The following FBXL12 variants were observed in gnomAD, a reference collection of about 807,000 sequenced individuals.
The protein encoded by FBXL12 is F-box/LRR-repeat protein 12.
FBXL12 carries 22 observed loss-of-function variants against 24.9 expected under a neutral mutation model. That is an observed-to-expected ratio of 0.88 (90% CI 0.63 to 1.26). The LOEUF (loss-of-function observed/expected upper bound fraction) is 1.26. Among genes scored for constraint, FBXL12 ranks in the 50% most tolerant of loss-of-function variants. FBXL12 has a pLI of 0.00. For missense variants in FBXL12, 384 were observed against 434.1 expected, an observed-to-expected ratio of 0.88 and a Z score of 1.03; for synonymous variants, 193 against 193.8, an observed-to-expected ratio of 1.00 and a Z score of 0.03.
chr19:9,816,783 G>A (rs1020381892), intron 2 of FBXL12, among the ~76,000 whole-genome samples: 9 of 152,084 alleles, frequency 5.9e-5, no homozygotes, highest in Non-Finnish European at 7.3e-5. Context: ...CCCACTTACC[G>A]CTACCAATTT....
At chr19:9,816,207 C>T (rs2045880388) in intron 2 of FBXL12, among the ~76,000 whole-genome samples, 1 of 152,212 alleles carries the variant, frequency 6.6e-6, no homozygotes, top group East Asian at 1.9e-4. Flanking sequence ...AGGTCTCTGA[C>T]ATGGCCTGGA....
chr19:9,818,687 C>T, intron 1 of FBXL12, 41 bp downstream of exon 1: 3 of 1,543,456 alleles, frequency 1.9e-6, no homozygotes, highest in Non-Finnish European at 2.6e-6. Context: ...GTGCCAGCTG[C>T]GCCCTCCGCC....
chr19:9,812,776 A>AAAAC (rs1555717881), intron 2 of FBXL12, among the ~76,000 whole-genome samples: 7 of 148,328 alleles, frequency 4.7e-5, no homozygotes, highest in Admixed American at 2.0e-4. Context: ...AAAAAAAAAA[A>AAAAC]AACAACAAAT....
intron 2 of FBXL12, among the ~76,000 whole-genome samples, chr19:9,815,782 G>A (rs2045869221): frequency 6.6e-6 from 1 of 151,998 alleles, no homozygotes; most frequent in Non-Finnish European, 1.5e-5. Context: ...AGCCTCCCGA[G>A]TAGCTGGGAT....
chr19:9,811,490 C>T lies in FBXL12; in HGVS notation c.387G>A (p.Leu129=), dbSNP rs776857268. ...TGGAGATCTCGCAGCTGTGCAGCTC[C>T]AGGGTCCTCAAGGTGCTGGGCAGGC... ...ITSLPSTLRT[L]ELHSCEISMA... Residue 129 remains leucine (L), a synonymous_variant, in exon 3 of 3, where the codon CTG becomes CTA. Coordinates refer to ENST00000247977, the MANE Select transcript of FBXL12 (RefSeq NM_017703.3). The surrounding 1 kb of genome is among the most constrained non-coding windows in gnomAD (Gnocchi z 6.0). 1.2e-6 allele frequency: 2 copies of T among 1,613,860 alleles called. No homozygotes were observed. The highest frequency in any genetic ancestry group is 2.2e-5 in the South Asian group (2 of 91,070).
intron 2 of FBXL12, among the ~76,000 whole-genome samples, chr19:9,815,485 A>G (rs1430787988): frequency 1.3e-5 from 2 of 152,150 alleles, no homozygotes; most frequent in Admixed American, 6.5e-5. Flanking sequence ...TCCACTAGGC[A>G]GTGACCCAAT....
chr19:9,817,557 CCAGA>C (rs1678996036), intron 2 of FBXL12, among the ~76,000 whole-genome samples: 1 of 152,146 alleles, frequency 6.6e-6, no homozygotes, highest in African/African-American at 2.4e-5. Context: ...TATTATCAGG[CCAGA>C]CACTGTGGCT....
At chr19:9,814,394 C>T (rs2045832965) in intron 2 of FBXL12, 2 of 152,186 alleles carry the variant, frequency 1.3e-5, no homozygotes, top group African/African-American at 4.8e-5. Flanking sequence ...CCTGTAGTCC[C>T]AGCTACTAAG....
Position 9,810,415 on chromosome 19 carries a change from G to A in FBXL12, c.*481C>T, listed in dbSNP as rs147821710. On this transcript the variant is annotated 3_prime_UTR_variant, in exon 3 of 3. Transcript: ENST00000247977. ...GCGAGTCTGCATCGCCTATCTCTCCGCGTCTCTTGCGTGCGTGTAGGTATA... is the reference window on the plus strand; with the variant it reads ...GCGAGTCTGCATCGCCTATCTCTCCACGTCTCTTGCGTGCGTGTAGGTATA... The A allele has an allele frequency of 0.011, 1,627 of 154,742 alleles. 14 individuals carry two copies. Among genetic ancestry groups the A allele is most frequent in the Non-Finnish European group, 0.015 (1,039 of 69,938 alleles). The allele number at this position is 154,742 out of a possible 1,614,324, so 9.6% of individuals were successfully genotyped here. A position where few individuals can be genotyped will look rare whatever the true frequency, so the allele number is the denominator to read the frequency against.
chr19:9,813,516 T>C lies in FBXL12; in HGVS notation c.160-1799A>G, dbSNP rs75087197. The C allele has an allele frequency of 1.7e-5, 4 of 232,898 alleles. No homozygotes were observed. The South Asian group carries it at 5.5e-4, about 32-fold the overall frequency. The allele number at this position is 232,898 out of a possible 1,614,324, so 14.4% of individuals were successfully genotyped here. ...ATGCCCGGCTAATTTTTTTTTTTTT[T>C]TTTGAGACAGAGTCTCGCTCTGTTG... On this transcript the variant is annotated intron_variant, in intron 2 of 2. Transcript: ENST00000247977.
chr19:9,812,521 ACT>A (rs1309858250), intron 2 of FBXL12, among the ~76,000 whole-genome samples: 10 of 122,560 alleles, frequency 8.2e-5, no homozygotes, highest in African/African-American at 1.7e-4. Context: ...ATAGAGTGAG[ACT>A]CTGTCTCAAA....
rs941325583 is a variant in FBXL12 at position 9,811,852 on chromosome 19, TCCTCCCCAGGTTCAA to T, written c.160-150_160-136del. The stretch of plus-strand genomic sequence containing the variant: ...GGCTTCTGCCCTTGCCTAGCCAGTC[TCCTCCCCAGGTTCAA>T]CCTCCCCAGGTTCAACCAGATGGTT... On this transcript the variant is annotated intron_variant, in intron 2 of 2. Transcript: ENST00000247977. This position sits in a 1 kb window ranked among gnomAD's most constrained non-coding sequence, Gnocchi z 6.0. 46 of 663,424 alleles carry T rather than the reference TCCTCCCCAGGTTCAA, an allele frequency of 6.9e-5. No individual in the cohort carries two copies. Among genetic ancestry groups the T allele is most frequent in the African/African-American group, 2.2e-4 (12 of 55,074 alleles). The allele number at this position is 663,424 out of a possible 1,614,324, so 41.1% of individuals were successfully genotyped here.
chr19:9,818,250 G>A (rs906822577), intron 2 of FBXL12: 11 of 439,062 alleles, frequency 2.5e-5, no homozygotes, highest in Non-Finnish European at 4.0e-5. Context: ...AGCATTTATC[G>A]AATGATAAAT....
At position 9,811,563 on chromosome 19, in the gene FBXL12, T is replaced by C. The variant is rs1568342530; in HGVS notation, c.314A>G (p.Lys105Arg). ...GTCGGCCACGTGCAGGCAGAGGCGCTTCAGGTTGGGGCACTTCTGGCCCAG... is the reference window on the plus strand; with the variant it reads ...GTCGGCCACGTGCAGGCAGAGGCGCCTCAGGTTGGGGCACTTCTGGCCCAG... ...RALGQKCPNL[K>R]RLCLHVADLS... The change falls in exon 3 of 3, where the codon AAG becomes AGG. Residue 105 changes from lysine to arginine, a missense_variant. By Grantham distance (26) the Lys-to-Arg change is conservative (BLOSUM62 2). Transcript: ENST00000247977. This position sits in a 1 kb window ranked among gnomAD's most constrained non-coding sequence, Gnocchi z 6.0. The C allele has an allele frequency of 1.2e-6, 2 of 1,600,082 alleles. No homozygotes were observed. The highest frequency in any genetic ancestry group is 1.7e-6 in the Non-Finnish European group (2 of 1,171,570).
At chr19:9,813,884 C>A (rs1449584820) in intron 2 of FBXL12, among the ~76,000 whole-genome samples, 1 of 151,788 alleles carries the variant, frequency 6.6e-6, no homozygotes, top group Non-Finnish European at 1.5e-5. Context: ...AGTGATCTGT[C>A]CACCTCGGCC....
intron 2 of FBXL12, among the ~76,000 whole-genome samples, chr19:9,812,530 C>CA (rs374538314): frequency 0.2 from 6,441 of 32,124 alleles, 867 homozygotes; most frequent in Non-Finnish European, 0.24. Context: ...GACTCTGTCT[C>CA]AAAAAAAAAA....
Position 9,811,769 on chromosome 19 carries a change from G to A in FBXL12, c.160-52C>T. ...AGAGTGAGAGGTATGGAGCTTCCAA[G>A]GCCCCTGCTGGGCTGGAGACACACA... On this transcript the variant is annotated intron_variant, in intron 2 of 2. Transcript: ENST00000247977. This position sits in a 1 kb window ranked among gnomAD's most constrained non-coding sequence, Gnocchi z 6.0. 9 of 1,436,398 alleles carry A rather than the reference G, an allele frequency of 6.3e-6. No homozygotes were observed. Among genetic ancestry groups the A allele is most frequent in the South Asian group, 1.5e-5 (1 of 65,146 alleles). 89.0% of individuals were successfully genotyped at this position (1,436,398 alleles called of 1,614,324 possible).
chr19:9,815,891 C>T (rs1013438721), intron 2 of FBXL12, among the ~76,000 whole-genome samples: 16 of 152,164 alleles, frequency 1.1e-4, no homozygotes, highest in Admixed American at 3.9e-4. Context: ...TCAAGTGATC[C>T]GCCTGCCTTG....
chr19:9,811,658 G>C lies in FBXL12; in HGVS notation c.219C>G (p.Ser73=), dbSNP rs371966525. Residue 73 remains serine, a synonymous_variant, in exon 3 of 3, where the codon TCC becomes TCG. Transcript: ENST00000247977. The surrounding 1 kb of genome is among the most constrained non-coding windows in gnomAD (Gnocchi z 6.0). ...LRRYMASRLH[S]LRMGGYLFSG... ...AGAACAGGTAGCCACCCATCCGCAG[G>C]GAATGGAGCCGGGATGCCATGTACC... 1 of 1,519,912 alleles carries C rather than the reference G, an allele frequency of 6.6e-7. No homozygotes were observed. The highest frequency in any genetic ancestry group is 8.8e-7 in the Non-Finnish European group (1 of 1,134,286). 94.2% of individuals were successfully genotyped at this position (1,519,912 alleles called of 1,614,324 possible).
Sources: gnomAD v4.1 joint callset for allele counts (sites outside exome capture counted in the v4.1 genomes callset) on GRCh38, gnomAD v4.1.1 for gene constraint, Gnocchi (gnomAD v3.1) non-coding constraint, MANE v1.5 for transcripts, NCBI Gene and HGNC (gene_info 2026-07-23, HGNC 2026-07-21) for gene names.